The following SYDE2 variants were observed in gnomAD, a reference collection of about 807,000 sequenced individuals.
SYDE2 encodes the protein rho GTPase-activating protein SYDE2.
In SYDE2, 76 loss-of-function variants were observed where a neutral mutation model predicts 91.5. The ratio of observed to expected loss-of-function variants is 0.83; its 90% confidence interval spans 0.69 to 1.01. The LOEUF is 1.01. Among genes scored for constraint, SYDE2 ranks in the 50% least tolerant of loss-of-function variants. The pLI is 0.00. For synonymous variants in SYDE2, 513 were observed against 506.4 expected (o/e 1.01, Z -0.18); for missense variants, 1,364 against 1,367.7 (o/e 1.00, Z 0.04).
chr1:85,154,170 TACA>T (rs1194467013), downstream of SYDE2: 1 of 151,766 alleles, frequency 6.6e-6, no homozygotes, highest in Non-Finnish European at 1.5e-5. Flanking sequence ...TTAATCATAA[TACA>T]ACTTTATCAT....
At chr1:85,198,135 T>C (rs777098149) in intron 1 of SYDE2, among the ~76,000 whole-genome samples, 2 of 152,328 alleles carry the variant, frequency 1.3e-5, no homozygotes, top group African/African-American at 4.8e-5. Flanking sequence ...TCTGATCTTA[T>C]GTAAACAGGG....
At chr1:85,185,119 G>A (rs1658081603) in intron 2 of SYDE2, among the ~76,000 whole-genome samples, 1 of 149,982 alleles carries the variant, frequency 6.7e-6, no homozygotes, top group South Asian at 2.1e-4. Flanking sequence ...TAAATAAACT[G>A]TCTAAATATT....
chr1:85,180,561 C>T (rs1017449894), intron 3 of SYDE2, among the ~76,000 whole-genome samples: 4 of 151,846 alleles, frequency 2.6e-5, no homozygotes, highest in Non-Finnish European at 4.4e-5. Context: ...GGCATGATGG[C>T]GTGCACCTGT....
chr1:85,185,788 T>C (rs1387688900), intron 2 of SYDE2, among the ~76,000 whole-genome samples: 5 of 151,790 alleles, frequency 3.3e-5, no homozygotes, highest in Admixed American at 3.3e-4. Flanking sequence ...GAATACCCTT[T>C]ATTTCCTTCT....
chr1:85,200,376 A>G lies in SYDE2; in HGVS notation c.621T>C (p.Gly207=). The change falls in exon 1 of 7, where the codon GGT becomes GGC. Residue 207 remains glycine (G), a synonymous_variant. Coordinates refer to ENST00000341460, the MANE Select transcript of SYDE2 (RefSeq NM_032184.2). ...KGRLLSLGMK[G]RARGTAPKVT... is the part of the protein sequence containing the mutation. ...CTTTGGGAGCCGTCCCACGGGCACG[A>G]CCCTTCATTCCCAGGGACAGCAGAC... 1 of 1,613,852 alleles carries G rather than the reference A, an allele frequency of 6.2e-7. No homozygotes were observed. The highest frequency in any genetic ancestry group is 8.5e-7 in the Non-Finnish European group (1 of 1,179,864).
At chr1:85,163,763 G>A (rs1254458075) in intron 6 of SYDE2, among the ~76,000 whole-genome samples, 2 of 152,068 alleles carry the variant, frequency 1.3e-5, no homozygotes, top group Non-Finnish European at 2.9e-5. Context: ...GTCCCATGCA[G>A]TGTGGGGTGA....
In SYDE2 at chr1:85,182,546, G is replaced by C; in HGVS notation, c.2096C>G (p.Ser699Ter). 1 of 1,613,884 alleles carries C rather than the reference G, an allele frequency of 6.2e-7. No individual in the cohort carries two copies. The highest frequency in any genetic ancestry group is 1.1e-5 in the South Asian group (1 of 91,072). ...CTGAATTGCACAAAAGACGTCTTTT[G>C]AATCTATCCGAGGTGGTTTTAAATC... The part of the protein sequence containing the change: ...AEDLKPPRID[S>*]KDVFCAIQVD... The change falls in exon 3 of 7, where the codon TCA (serine) becomes TGA (stop). Residue 699 changes from serine (S) to a stop codon, truncating the protein, a stop_gained. Transcript: ENST00000341460. LOFTEE classifies it high-confidence loss of function.
chr1:85,173,050 C>G (rs1030298817), intron 4 of SYDE2, among the ~76,000 whole-genome samples: 21 of 152,002 alleles, frequency 1.4e-4, no homozygotes, highest in African/African-American at 5.1e-4. Flanking sequence ...ATTGTGGCCC[C>G]CACCCCCAAC....
chr1:85,169,682 A>T (rs192539517), intron 4 of SYDE2, among the ~76,000 whole-genome samples: 3 of 152,334 alleles, frequency 2.0e-5, no homozygotes, highest in Non-Finnish European at 2.9e-5. Flanking sequence ...CTTGGAAATA[A>T]ATACATTTCC....
chr1:85,160,497 G>T lies in SYDE2; in HGVS notation c.3086-1248C>A, dbSNP rs1316289378. The T allele has an allele frequency of 5.2e-6, 5 of 970,312 alleles. No homozygotes were observed. In the African/African-American group the frequency reaches 8.8e-5, roughly 17 times the overall value. 60.1% of individuals were successfully genotyped at this position (970,312 alleles called of 1,614,324 possible). ...ATCTAAAATTTTCTAGAAAATAAAA[G>T]CTATTTACTTTAAATTGATCTTTAA... is the stretch of plus-strand genomic sequence containing the variant. On this transcript the variant is annotated intron_variant, in intron 6 of 6. Coordinates refer to ENST00000341460, the MANE Select transcript of SYDE2 (RefSeq NM_032184.2).
intron 6 of SYDE2, chr1:85,160,803 T>C: frequency 2.0e-6 from 2 of 985,422 alleles, no homozygotes; most frequent in Non-Finnish European, 2.4e-6. Flanking sequence ...GTCTTAAAAT[T>C]GTCCTATTGT....
intron 3 of SYDE2, among the ~76,000 whole-genome samples, chr1:85,178,826 T>A (rs1657807602): frequency 6.6e-6 from 1 of 151,978 alleles, no homozygotes; most frequent in Admixed American, 6.6e-5. Flanking sequence ...GGGTGTTTTT[T>A]TTTTAAGTTG....
At chr1:85,200,069 G>T in intron 1 of SYDE2, 183 bp downstream of exon 1, 1 of 840,054 alleles carries the variant, frequency 1.2e-6, no homozygotes, top group Non-Finnish European at 1.4e-6. Flanking sequence ...AAAGCAAAAC[G>T]AGTAAATGCA....
intron 1 of SYDE2, 113 bp downstream of exon 1, chr1:85,200,139 C>T: frequency 1.3e-6 from 2 of 1,550,588 alleles, no homozygotes; most frequent in Non-Finnish European, 1.7e-6. Context: ...TTACTTTCGC[C>T]CGGTAACGTA....
chr1:85,164,020 G>A (rs758477997), intron 6 of SYDE2, among the ~76,000 whole-genome samples: 4 of 152,062 alleles, frequency 2.6e-5, no homozygotes, highest in Admixed American at 6.6e-5. Flanking sequence ...AGTTAAAGAC[G>A]TAAAGAAGAA....
chr1:85,198,810 G>C (rs1040359880), intron 1 of SYDE2, among the ~76,000 whole-genome samples: 4 of 150,144 alleles, frequency 2.7e-5, no homozygotes, highest in African/African-American at 9.8e-5. Context: ...TAAGCCAAAG[G>C]GGGGGAGGTA....
rs1656941536 is a variant in SYDE2, at chr1:85,158,542, G to C, written c.*208C>G. ...TAGTAAAATATCCCAAGAAGTCCAAGTTTTATTGATCCCCAGAAAAGTTTT... is the reference window on the plus strand; with the variant it reads ...TAGTAAAATATCCCAAGAAGTCCAACTTTTATTGATCCCCAGAAAAGTTTT... On this transcript the variant is annotated 3_prime_UTR_variant, in exon 7 of 7. Coordinates refer to ENST00000341460, the MANE Select transcript of SYDE2 (RefSeq NM_032184.2). 1 of 468,776 alleles carries C rather than the reference G, an allele frequency of 2.1e-6. No homozygotes were observed. Among genetic ancestry groups the C allele is most frequent in the Admixed American group, 4.0e-5 (1 of 25,080 alleles). The allele number at this position is 468,776 out of a possible 1,614,324, so 29.0% of individuals were successfully genotyped here. A position where few individuals can be genotyped will look rare whatever the true frequency, so the allele number is the denominator to read the frequency against.
intron 5 of SYDE2, 117 bp from the exon 6 acceptor site, chr1:85,164,874 AT>A: frequency 1.7e-6 from 1 of 586,268 alleles, no homozygotes; most frequent in Non-Finnish European, 2.6e-6. Context: ...TTTTTTAAAG[AT>A]TTGCGTATAA....
intron 3 of SYDE2, 27 bp from the exon 4 acceptor site, chr1:85,178,299 C>T: frequency 6.5e-7 from 1 of 1,541,538 alleles, no homozygotes; most frequent in Non-Finnish European, 8.7e-7. Flanking sequence ...GGCCACATTA[C>T]AGTAAATTTG....
Sources: allele counts gnomAD v4.1 joint callset (sites outside exome capture counted in the v4.1 genomes callset), GRCh38; gene constraint gnomAD v4.1.1; transcripts MANE v1.5; gene names NCBI Gene and HGNC (gene_info 2026-07-23, HGNC 2026-07-21).